Variants in PLEKHD1 observed in about 807,000 individuals in gnomAD.
PLEKHD1 encodes pleckstrin homology domain-containing family D member 1.
A neutral mutation model predicts 69.2 loss-of-function variants in PLEKHD1; 51 were observed. The ratio of observed to expected loss-of-function variants is 0.74; its 90% CI spans 0.59 to 0.93. The LOEUF (loss-of-function observed/expected upper bound fraction) is 0.93. PLEKHD1 is among the 40% of genes least tolerant of loss of function. The pLI, the probability that PLEKHD1 is intolerant of heterozygous loss-of-function variation, is 0.00. For synonymous variants in PLEKHD1, 236 were observed against 244.7 expected (o/e 0.96, Z 0.33); for missense variants, 584 against 641.0 (o/e 0.91, Z 0.96).
intron 5 of PLEKHD1, chr14:69,502,284 C>T (rs528898316): frequency 5.3e-6 from 1 of 189,330 alleles, no homozygotes; most frequent in East Asian, 1.3e-4. Context: ...TGGCTTGTCC[C>T]CAGTACCCTT....
the PLEKHD1 span, among the ~76,000 whole-genome samples, chr14:69,476,501 G>A: frequency 6.6e-6 from 1 of 151,968 alleles, no homozygotes; most frequent in Non-Finnish European, 1.5e-5. Flanking sequence ...GGAGTTCCAG[G>A]CTCAGTGAAC....
At chr14:69,496,351 G>C (rs970349136) in intron 1 of PLEKHD1, among the ~76,000 whole-genome samples, 1 of 152,162 alleles carries the variant, frequency 6.6e-6, no homozygotes, top group Non-Finnish European at 1.5e-5. Context: ...GCCATAGACT[G>C]GGTGGCTTAA....
chr14:69,526,679 C>G lies in PLEKHD1; in HGVS notation c.924-18C>G. The G allele has an allele frequency of 6.8e-7, 1 of 1,472,816 alleles. No individual in the cohort carries two copies. The highest frequency in any genetic ancestry group is 9.0e-7 in the Non-Finnish European group (1 of 1,106,570). The allele number at this position is 1,472,816 out of a possible 1,614,324, so 91.2% of individuals were successfully genotyped here. A position where few individuals can be genotyped will look rare whatever the true frequency, so the allele number is the denominator to read the frequency against. On this transcript the variant is annotated intron_variant, in intron 9 of 12. Transcript: ENST00000322564. ...TTGGCGAGTGAGCATTGAGAAAGTG[C>G]CTCTTCTGTCCCTACAGGATGAAGG... is the stretch of plus-strand genomic sequence containing the variant.
At chr14:69,494,041 G>A (rs1189451089) in intron 1 of PLEKHD1, among the ~76,000 whole-genome samples, 1 of 152,166 alleles carries the variant, frequency 6.6e-6, no homozygotes, top group Non-Finnish European at 1.5e-5. Context: ...GCAGCCTTGT[G>A]AGCACAAATG....
chr14:69,526,314 TAATTA>T (rs1644174168), intron 9 of PLEKHD1, among the ~76,000 whole-genome samples, 192 bp downstream of exon 9: 1 of 152,224 alleles, frequency 6.6e-6, no homozygotes, highest in African/African-American at 2.4e-5. Context: ...GCTGGCTTGA[TAATTA>T]TCTTGTGCAA....
At chr14:69,468,801 A>G in the PLEKHD1 span, among the ~76,000 whole-genome samples, 1 of 152,158 alleles carries the variant, frequency 6.6e-6, no homozygotes, top group Non-Finnish European at 1.5e-5. Context: ...GGTTGGTCTC[A>G]AACTCCTGAT....
chr14:69,468,684 G>A, the PLEKHD1 span, among the ~76,000 whole-genome samples: 32 of 152,024 alleles, frequency 2.1e-4, no homozygotes, highest in African/African-American at 7.5e-4. Flanking sequence ...GAGCTCCAGC[G>A]ATCCTCCCAC....
intron 6 of PLEKHD1, among the ~76,000 whole-genome samples, chr14:69,509,655 AG>A (rs1883226241): frequency 6.6e-6 from 1 of 151,860 alleles, no homozygotes; most frequent in African/African-American, 2.4e-5. Context: ...AGACTATCTT[AG>A]GCCACGCACG....
At chr14:69,467,857 G>A in the PLEKHD1 span, among the ~76,000 whole-genome samples, 1 of 152,344 alleles carries the variant, frequency 6.6e-6, no homozygotes, top group South Asian at 2.1e-4. Context: ...TCAACTATTT[G>A]TGAACAGGAG....
At chr14:69,524,011 C>T (rs1254113225) in intron 7 of PLEKHD1, among the ~76,000 whole-genome samples, 10 of 152,158 alleles carry the variant, frequency 6.6e-5, no homozygotes. Context: ...TGCATGTGTA[C>T]CTGGAGCAAG....
intron 6 of PLEKHD1, among the ~76,000 whole-genome samples, chr14:69,516,269 A>G (rs1883382192): frequency 6.6e-6 from 1 of 152,226 alleles, no homozygotes; most frequent in African/African-American, 2.4e-5. Context: ...TGCTCTTTGT[A>G]GAAAACTTGT....
At position 69,528,471 on chromosome 14, in the gene PLEKHD1, G is replaced by A; in HGVS notation, c.*52G>A. ...TCTCCCCTGGATGGGCGGGGGAGGG[G>A]AAGGGGTGGCAGAGGGAGGCCTCAC... On this transcript the variant is annotated 3_prime_UTR_variant, in exon 13 of 13. Transcript: ENST00000322564. 1 of 1,528,340 alleles carries A rather than the reference G, an allele frequency of 6.5e-7. No homozygotes were observed. The highest frequency in any genetic ancestry group is 8.8e-7 in the Non-Finnish European group (1 of 1,136,536). 94.7% of individuals were successfully genotyped at this position (1,528,340 alleles called of 1,614,324 possible). A position where few individuals can be genotyped will look rare whatever the true frequency, so the allele number is the denominator to read the frequency against.
chr14:69,496,489 A>G (rs1453563658), intron 1 of PLEKHD1, among the ~76,000 whole-genome samples: 3 of 152,186 alleles, frequency 2.0e-5, no homozygotes, highest in South Asian at 4.2e-4. Context: ...ATATGTCCCC[A>G]CACGGTGGAG....
At chr14:69,500,088 C>T (rs1566557986) in intron 1 of PLEKHD1, 27 bp from the exon 2 acceptor site, 2 of 1,498,952 alleles carry the variant, frequency 1.3e-6, no homozygotes, top group African/African-American at 1.4e-5. Context: ...CTCCTGGTTG[C>T]TTTTCCTTCC....
chr14:69,499,919 C>T (rs1321988537), intron 1 of PLEKHD1, among the ~76,000 whole-genome samples, 196 bp from the exon 2 acceptor site: 2 of 152,076 alleles, frequency 1.3e-5, no homozygotes, highest in Non-Finnish European at 2.9e-5. Flanking sequence ...TGTGCAGGGG[C>T]CCAGCTGCCT....
the PLEKHD1 span, among the ~76,000 whole-genome samples, chr14:69,473,331 C>A: frequency 6.6e-6 from 1 of 151,768 alleles, no homozygotes; most frequent in Admixed American, 6.6e-5. Flanking sequence ...GTGTCCCTAC[C>A]CCACCCTCCC....
chr14:69,514,019 T>C (rs1883328082), intron 6 of PLEKHD1, among the ~76,000 whole-genome samples: 1 of 152,204 alleles, frequency 6.6e-6, no homozygotes, highest in African/African-American at 2.4e-5. Context: ...ATATTTTTCC[T>C]CATCTTTGAT....
At chr14:69,493,423 A>AAAT (rs1361176165) in intron 1 of PLEKHD1, among the ~76,000 whole-genome samples, 1 of 152,136 alleles carries the variant, frequency 6.6e-6, no homozygotes, top group African/African-American at 2.4e-5. Context: ...CTCTCTAGTG[A>AAAT]AATAGTTTCC....
the PLEKHD1 span, among the ~76,000 whole-genome samples, chr14:69,479,499 C>T: frequency 6.0e-4 from 92 of 152,208 alleles, 1 homozygote; most frequent in African/African-American, 2.1e-3. Flanking sequence ...TGGTATTGCA[C>T]AGTCCTAGTG....
Sources: allele counts gnomAD v4.1 joint callset (sites outside exome capture counted in the v4.1 genomes callset), GRCh38; gene constraint gnomAD v4.1.1; transcripts MANE v1.5; gene names NCBI Gene and HGNC (gene_info 2026-07-23, HGNC 2026-07-21).